PTPN14: variants seen among roughly 807,000 people sequenced by gnomAD.
PTPN14 encodes the protein protein tyrosine phosphatase non-receptor type 14.
In PTPN14, 53 loss-of-function variants were observed where a neutral mutation model predicts 126.8. The ratio of observed to expected loss-of-function variants is 0.42; its 90% CI spans 0.34 to 0.53. The LOEUF (loss-of-function observed/expected upper bound fraction) is 0.53. Ranked by LOEUF, PTPN14 falls within the 20% of genes least tolerant of loss-of-function variation. PTPN14 has a pLI of 0.08. For synonymous variants in PTPN14, 630 were observed against 599.3 expected, an observed-to-expected ratio of 1.05 and a Z score of -0.75; for missense variants, 1,257 against 1,552.9, an observed-to-expected ratio of 0.81 and a Z score of 3.20.
chr1:214,443,873 T>C (rs568882411), intron 3 of PTPN14, among the ~76,000 whole-genome samples: 1 of 152,260 alleles, frequency 6.6e-6, no homozygotes, highest in East Asian at 1.9e-4. Flanking sequence ...CTCCTGGAAG[T>C]AAATAGGGTC....
In PTPN14 at chr1:214,464,645, C is replaced by G; in HGVS notation, c.159G>C (p.Arg53Ser). ...GQECLEAVAQ[R>S]LELRETHYFG... ...CCCCTCTTACCTCTCGCAGCTCCAG[C>G]CTCTGGGCCACAGCCTCCAGGCATT... The change falls in exon 2 of 19, where the codon AGG becomes AGC. Residue 53 changes from arginine (R) to serine (S), a missense_variant. Physicochemically the swap from Arg to Ser is moderately radical, Grantham distance 110 (BLOSUM62 -1). Coordinates refer to ENST00000366956, the MANE Select transcript of PTPN14 (RefSeq NM_005401.5). The G allele has an allele frequency of 6.2e-7, 1 of 1,614,206 alleles. No homozygotes were observed. The highest frequency in any genetic ancestry group is 8.5e-7 in the Non-Finnish European group (1 of 1,179,992).
intron 18 of PTPN14, 112 bp from the exon 19 acceptor site, chr1:214,358,162 A>G (rs778103363): frequency 2.3e-4 from 303 of 1,339,354 alleles, no homozygotes; most frequent in Non-Finnish European, 3.0e-4. Context: ...CAGGTACAAG[A>G]GAAGGCAAGG....
intron 3 of PTPN14, among the ~76,000 whole-genome samples, chr1:214,433,882 G>C (rs1459763958): frequency 6.6e-6 from 1 of 150,544 alleles, no homozygotes; most frequent in Non-Finnish European, 1.5e-5. Flanking sequence ...TGAGCCGAGG[G>C]GTTCTAGACC....
intron 3 of PTPN14, 78 bp from the exon 4 acceptor site, chr1:214,414,804 G>T: frequency 8.6e-7 from 1 of 1,168,756 alleles, no homozygotes. Context: ...GATGCCTCTA[G>T]ATGTAAAACC....
chr1:214,537,358 C>T (rs1474809917), intron 1 of PTPN14, among the ~76,000 whole-genome samples: 1 of 152,202 alleles, frequency 6.6e-6, no homozygotes, highest in Non-Finnish European at 1.5e-5. Context: ...TGGATACAAG[C>T]ACAAGCTCTG....
chr1:214,485,999 T>C (rs1205734556), intron 1 of PTPN14, among the ~76,000 whole-genome samples: 1 of 152,192 alleles, frequency 6.6e-6, no homozygotes, highest in Non-Finnish European at 1.5e-5. Flanking sequence ...GTATTGGGAT[T>C]ACAGGCGTGA....
chr1:214,385,366 G>A (rs1235791246), intron 12 of PTPN14, among the ~76,000 whole-genome samples: 1 of 152,092 alleles, frequency 6.6e-6, no homozygotes, highest in African/African-American at 2.4e-5. Context: ...AGAATCAAGA[G>A]TTCTTTTTGG....
intron 8 of PTPN14, among the ~76,000 whole-genome samples, chr1:214,396,945 G>T (rs1021018759): frequency 1.3e-5 from 2 of 152,194 alleles, no homozygotes; most frequent in African/African-American, 4.8e-5. Context: ...ATATGGAGCT[G>T]ACAGTAAGTC....
chr1:214,364,517 T>C lies in PTPN14; in HGVS notation c.3430A>G (p.Asn1144Asp), dbSNP rs1438939017. The change falls in exon 18 of 19, where the codon AAC becomes GAC. Residue 1144 changes from asparagine to aspartate, a missense_variant. Transcript: ENST00000366956. This position sits in a 1 kb window ranked among gnomAD's most constrained non-coding sequence, Gnocchi z 4.1. ...AGAAGCCCAGAATGACTCACTTCGT[T>C]ATGTTCCAAGCAGTAGATCATCAGC... ...SELMIYCLEHNEKVEVPMMLR... is the reference protein window; with the variant it reads ...SELMIYCLEHDEKVEVPMMLR... The C allele has an allele frequency of 3.7e-6, 6 of 1,613,672 alleles. No homozygotes were observed. Among genetic ancestry groups the C allele is most frequent in the Non-Finnish European group, 5.1e-6 (6 of 1,179,924 alleles).
intron 1 of PTPN14, among the ~76,000 whole-genome samples, chr1:214,519,672 T>C (rs1655194326): frequency 6.6e-6 from 1 of 152,186 alleles, no homozygotes; most frequent in Non-Finnish European, 1.5e-5. Context: ...GCATATTACA[T>C]GAAAGTTCTT....
At position 214,353,476 on chromosome 1, in the gene PTPN14, G is replaced by C. The variant is rs1466998771; in HGVS notation, c.*4446C>G. The stretch of plus-strand genomic sequence containing the variant: ...GGATGTGGAACCCACAGATAGGGGT[G>C]GTCAACTGTACTCATCTTCACCATC... On this transcript the variant is annotated 3_prime_UTR_variant, in exon 19 of 19. Coordinates refer to ENST00000366956, the MANE Select transcript of PTPN14 (RefSeq NM_005401.5). 1 of 152,102 alleles carries C rather than the reference G, an allele frequency of 6.6e-6. No individual in the cohort carries two copies. The highest frequency in any genetic ancestry group is 1.5e-5 in the Non-Finnish European group (1 of 68,028). The allele number at this position is 152,102 out of a possible 1,614,324, so 9.4% of individuals were successfully genotyped here.
intron 3 of PTPN14, among the ~76,000 whole-genome samples, chr1:214,444,300 C>T (rs1000659449): frequency 3.3e-5 from 5 of 152,040 alleles, no homozygotes; most frequent in Admixed American, 2.6e-4. Flanking sequence ...TCTCAATAAC[C>T]AACATAAAGA....
Position 214,421,041 on chromosome 1 carries a change from T to C in PTPN14, c.345-6315A>G, listed in dbSNP as rs962500289. ...ATACAATTATCACATGATTCAGCAA[T>C]TATGCTCCTCAGTATATAGCCACAC... On this transcript the variant is annotated intron_variant, in intron 3 of 18. Coordinates refer to ENST00000366956, the MANE Select transcript of PTPN14 (RefSeq NM_005401.5). 1.2e-4 allele frequency among the ~76,000 whole-genome samples: 18 copies of C among 152,352 alleles called. No homozygotes were observed. The Middle Eastern group carries it at 0.01, about 86-fold the overall frequency.
intron 1 of PTPN14, among the ~76,000 whole-genome samples, chr1:214,542,763 C>G (rs1655871525): frequency 6.6e-6 from 1 of 152,164 alleles, no homozygotes; most frequent in Non-Finnish European, 1.5e-5. Context: ...TCAGGAAACA[C>G]CTGCAGTTTG....
intron 10 of PTPN14, among the ~76,000 whole-genome samples, 191 bp downstream of exon 10, chr1:214,393,504 G>A (rs1424009760): frequency 6.6e-6 from 1 of 152,118 alleles, no homozygotes; most frequent in African/African-American, 2.4e-5. Flanking sequence ...CTCTCTCTAG[G>A]CATATGCACG....
intron 1 of PTPN14, among the ~76,000 whole-genome samples, chr1:214,472,144 G>C (rs1039616712): frequency 2.6e-5 from 4 of 152,146 alleles, no homozygotes; most frequent in African/African-American, 9.7e-5. Context: ...GATATGGTTT[G>C]AATATATGTC....
intron 1 of PTPN14, among the ~76,000 whole-genome samples, chr1:214,523,998 C>T (rs962795239): frequency 2.2e-4 from 33 of 151,862 alleles, no homozygotes; most frequent in African/African-American, 8.0e-4. Context: ...TATAGGCATG[C>T]ACCAACACGC....
Position 214,536,054 on chromosome 1 carries a change from G to A in PTPN14, c.-155+15129C>T, listed in dbSNP as rs1019887649. Among the ~76,000 whole-genome samples, 6 of 150,346 alleles carry A rather than the reference G, an allele frequency of 4.0e-5. No homozygotes were observed. In the Admixed American group the frequency reaches 4.0e-4, roughly 10 times the overall value. ...TCATTTTCACTATCATCTTCTATGC[G>A]ATAGCAAGAAATGTAAAATGTGCAT... On this transcript the variant is annotated intron_variant, in intron 1 of 18. Coordinates refer to ENST00000366956, the MANE Select transcript of PTPN14 (RefSeq NM_005401.5).
chr1:214,516,904 C>G (rs771591015), intron 1 of PTPN14, among the ~76,000 whole-genome samples: 1 of 152,102 alleles, frequency 6.6e-6, no homozygotes, highest in East Asian at 1.9e-4. Flanking sequence ...ACCTACGCTA[C>G]GCACCAGGCA....
Sources: allele counts gnomAD v4.1 joint callset (sites outside exome capture counted in the v4.1 genomes callset), GRCh38; gene constraint gnomAD v4.1.1; non-coding constraint Gnocchi (gnomAD v3.1); transcripts MANE v1.5; gene names NCBI Gene and HGNC (gene_info 2026-07-23, HGNC 2026-07-21).